CDH4: variants seen among roughly 807,000 people sequenced by gnomAD.
CDH4 encodes the protein cadherin 4, also known as cadherin-4.
CDH4 carries 33 observed loss-of-function variants against 86.0 expected under a neutral mutation model. The ratio of observed to expected loss-of-function variants is 0.38; its 90% confidence interval spans 0.29 to 0.51. The LOEUF (loss-of-function observed/expected upper bound fraction) is 0.51, where lower values mean the gene tolerates loss of function less well. Among genes scored for constraint, CDH4 ranks in the 20% least tolerant of loss-of-function variants. CDH4 has a pLI of 0.86. For missense variants in CDH4, 1,114 were observed against 1,307.4 expected, an observed-to-expected ratio of 0.85 and a Z score of 2.28; for synonymous variants, 555 against 549.4, an observed-to-expected ratio of 1.01 and a Z score of -0.14.
At chr20:61,832,341 A>G (rs961646270) in intron 4 of CDH4, among the ~76,000 whole-genome samples, 3 of 152,226 alleles carry the variant, frequency 2.0e-5, no homozygotes, top group African/African-American at 4.8e-5. Context: ...GAAGGGCTGC[A>G]TATGAATGGC....
In CDH4 at chr20:61,394,863, C is replaced by T. The variant is rs564345306; in HGVS notation, c.169+139926C>T. ...CCTGTCGTTTGGAAGCAGTCCATGG[C>T]CATGGGGCTGTGAGCCCTCACAACC... On this transcript the variant is annotated intron_variant, in intron 2 of 15. Coordinates refer to ENST00000614565, the MANE Select transcript of CDH4 (RefSeq NM_001794.5). Among the ~76,000 whole-genome samples, 192 of 140,180 alleles carry T rather than the reference C, an allele frequency of 1.4e-3. 1 individual carries two copies. Among genetic ancestry groups the T allele is most frequent in the Non-Finnish European group, 1.9e-3 (127 of 65,148 alleles). 92.0% of individuals were successfully genotyped at this position (140,180 alleles called of 152,430 possible). A position where few individuals can be genotyped will look rare whatever the true frequency, so the allele number is the denominator to read the frequency against.
At chr20:61,662,756 C>T (rs1231902625) in intron 2 of CDH4, among the ~76,000 whole-genome samples, 3 of 152,210 alleles carry the variant, frequency 2.0e-5, no homozygotes, top group African/African-American at 7.2e-5. Context: ...CAGCAAGACT[C>T]GGGATGGCGA....
chr20:61,809,626 A>G (rs1168429222), intron 4 of CDH4, among the ~76,000 whole-genome samples: 9 of 152,332 alleles, frequency 5.9e-5, no homozygotes, highest in Non-Finnish European at 1.0e-4. Flanking sequence ...GGATCCGCCT[A>G]TGCCGGGGAC....
At chr20:61,570,714 T>G (rs1405509467) in intron 2 of CDH4, 1 of 702,376 alleles carries the variant, frequency 1.4e-6, no homozygotes, top group Non-Finnish European at 2.6e-6. Context: ...TCAACAGGGA[T>G]GCTTCACGGA....
rs1454145545 is a variant in CDH4 at position 61,417,579 on chromosome 20, T to C, written c.169+162642T>C. 2.6e-5 allele frequency among the ~76,000 whole-genome samples: 4 copies of C among 152,246 alleles called. No individual in the cohort carries two copies. Among genetic ancestry groups the C allele is most frequent in the Non-Finnish European group, 5.9e-5 (4 of 68,052 alleles). ...CAACTGTCATCCCTCCCTGGCCCTG[T>C]TTCTGGCTGGAATGCATTTCTGTAT... On this transcript the variant is annotated intron_variant, in intron 2 of 15. Transcript: ENST00000614565. This position sits in a 1 kb window ranked among gnomAD's most constrained non-coding sequence, Gnocchi z 4.0.
At chr20:61,840,577 C>G (rs534493283) in intron 4 of CDH4, among the ~76,000 whole-genome samples, 129 of 152,246 alleles carry the variant, frequency 8.5e-4, no homozygotes, top group Non-Finnish European at 1.6e-3. Flanking sequence ...ACCATCTGTT[C>G]TGTCCTCTAA....
intron 2 of CDH4, among the ~76,000 whole-genome samples, chr20:61,571,499 C>T (rs967552071): frequency 1.3e-5 from 2 of 152,112 alleles, no homozygotes; most frequent in East Asian, 1.9e-4. Flanking sequence ...CGGCAGGTGC[C>T]CCACTTTACA....
At chr20:61,420,160 G>GT (rs1192495753) in intron 2 of CDH4, among the ~76,000 whole-genome samples, 1 of 152,250 alleles carries the variant, frequency 6.6e-6, no homozygotes, top group Admixed American at 6.5e-5. Context: ...TCCAGCCACT[G>GT]TCCCTCAGGA....
intron 2 of CDH4, among the ~76,000 whole-genome samples, chr20:61,692,220 T>G (rs1433600768): frequency 6.9e-6 from 1 of 145,486 alleles, no homozygotes; most frequent in Non-Finnish European, 1.6e-5. Flanking sequence ...TATGTATGTA[T>G]GTGTGTATGT....
intron 7 of CDH4, among the ~76,000 whole-genome samples, chr20:61,887,906 A>T (rs936341948): frequency 3.9e-5 from 6 of 152,180 alleles, no homozygotes; most frequent in Admixed American, 1.3e-4. Context: ...TGGGTGGCCG[A>T]GGGGGGCCGG....
chr20:61,495,552 G>A (rs2145593594), intron 2 of CDH4, among the ~76,000 whole-genome samples: 1 of 152,288 alleles, frequency 6.6e-6, no homozygotes, highest in East Asian at 1.9e-4. Context: ...AACTGAGACT[G>A]CAGCCTGGGC....
At chr20:61,790,166 A>G (rs943812533) in intron 4 of CDH4, among the ~76,000 whole-genome samples, 3 of 151,066 alleles carry the variant, frequency 2.0e-5, no homozygotes, top group Admixed American at 2.0e-4. Flanking sequence ...CCATCTACCC[A>G]TCCGTCATCC....
chr20:61,541,185 T>C (rs1370593567), intron 2 of CDH4, among the ~76,000 whole-genome samples: 1 of 152,210 alleles, frequency 6.6e-6, no homozygotes, highest in Non-Finnish European at 1.5e-5. Flanking sequence ...CTGCCCAGGT[T>C]ATTAATAAAA....
intron 11 of CDH4, among the ~76,000 whole-genome samples, chr20:61,925,470 G>A (rs2055035139): frequency 6.6e-6 from 1 of 152,180 alleles, no homozygotes; most frequent in African/African-American, 2.4e-5. Flanking sequence ...GGAGTCACCG[G>A]AACACTGAGG....
intron 2 of CDH4, among the ~76,000 whole-genome samples, chr20:61,318,562 G>A (rs2084490595): frequency 6.6e-6 from 1 of 152,162 alleles, no homozygotes; most frequent in East Asian, 1.9e-4. Flanking sequence ...TGGAGGCTAT[G>A]ATGTGGGCAT....
chr20:61,622,426 C>T (rs1469001967), intron 2 of CDH4, among the ~76,000 whole-genome samples: 1 of 152,238 alleles, frequency 6.6e-6, no homozygotes, highest in Non-Finnish European at 1.5e-5. Flanking sequence ...TGAGACATTT[C>T]TTGGATGGCT....
At chr20:61,927,182 G>A (rs1042099951) in intron 11 of CDH4, among the ~76,000 whole-genome samples, 1 of 152,264 alleles carries the variant, frequency 6.6e-6, no homozygotes, top group Admixed American at 6.5e-5. Flanking sequence ...AAAACACGTG[G>A]TTGTTAACGT....
chr20:61,571,757 C>T (rs1385834109), intron 2 of CDH4, among the ~76,000 whole-genome samples: 5 of 149,520 alleles, frequency 3.3e-5, no homozygotes, highest in Non-Finnish European at 7.4e-5. Context: ...TCTTTCCCTC[C>T]CCTTCCCACC....
chr20:61,814,148 G>C (rs1331911234), intron 4 of CDH4, among the ~76,000 whole-genome samples: 2 of 152,214 alleles, frequency 1.3e-5, no homozygotes, highest in African/African-American at 4.8e-5. Flanking sequence ...ATGGTAACCT[G>C]TGTGTCCTCC....
Sources: allele counts gnomAD v4.1 joint callset (sites outside exome capture counted in the v4.1 genomes callset), GRCh38; gene constraint gnomAD v4.1.1; non-coding constraint Gnocchi (gnomAD v3.1); transcripts MANE v1.5; gene names NCBI Gene and HGNC (gene_info 2026-07-23, HGNC 2026-07-21).